Variants in SHLD1 observed in about 807,000 individuals in gnomAD.
SHLD1 encodes shieldin complex subunit 1.
A neutral mutation model predicts 5.5 loss-of-function variants in SHLD1; 3 were observed. The ratio of observed to expected loss-of-function variants is 0.54; its 90% CI spans 0.25 to 1.40. SHLD1 has a LOEUF of 1.40. SHLD1 is among the 40% of genes most tolerant of loss of function. SHLD1 has a pLI of 0.15. For synonymous variants in SHLD1, 92 were observed against 94.3 expected (o/e 0.98, Z 0.14); for missense variants, 210 against 244.4 (o/e 0.86, Z 0.94).
At chr20:5,823,287 C>T (rs73081207) in intron 2 of SHLD1, among the ~76,000 whole-genome samples, 1,828 of 152,206 alleles carry the variant, frequency 0.012, 15 homozygotes, top group Middle Eastern at 0.034. Context: ...TCCCTCCACC[C>T]CTCTGCCTTC....
At chr20:5,831,366 C>G (rs1364586801) in intron 2 of SHLD1, among the ~76,000 whole-genome samples, 1 of 152,196 alleles carries the variant, frequency 6.6e-6, no homozygotes, top group Non-Finnish European at 1.5e-5. Context: ...CTTCTGTTCT[C>G]TGTAAGCTGT....
At chr20:5,817,970 C>T (rs932390299) in intron 2 of SHLD1, among the ~76,000 whole-genome samples, 3 of 152,344 alleles carry the variant, frequency 2.0e-5, no homozygotes, top group Middle Eastern at 3.4e-3. Flanking sequence ...GCACATCTTG[C>T]GTCCCTTCTC....
intron 2 of SHLD1, among the ~76,000 whole-genome samples, chr20:5,775,922 G>GTTTTTTTT: frequency 1.6e-5 from 1 of 63,448 alleles, no homozygotes; most frequent in African/African-American, 9.2e-5. Flanking sequence ...GTCAGCTCAG[G>GTTTTTTTT]ATTTTTTTTT....
At chr20:5,857,984 A>G (rs1172346158) in intron 2 of SHLD1, among the ~76,000 whole-genome samples, 2 of 152,004 alleles carry the variant, frequency 1.3e-5, no homozygotes, top group Non-Finnish European at 2.9e-5. Flanking sequence ...CTGTAGTGCC[A>G]GCTAGCCAGG....
At chr20:5,769,832 C>T (rs1471227830) in intron 1 of SHLD1, among the ~76,000 whole-genome samples, 2 of 151,838 alleles carry the variant, frequency 1.3e-5, no homozygotes, top group African/African-American at 4.8e-5. Flanking sequence ...GGCAAAACTC[C>T]GTCTCTACTA....
chr20:5,829,887 A>AT (rs1297066766), intron 2 of SHLD1, among the ~76,000 whole-genome samples: 1 of 152,010 alleles, frequency 6.6e-6, no homozygotes, highest in Non-Finnish European at 1.5e-5. Context: ...TTAGGAAAAA[A>AT]AAACACAGGC....
intron 2 of SHLD1, among the ~76,000 whole-genome samples, chr20:5,784,691 C>G (rs2087036047): frequency 6.6e-6 from 1 of 152,014 alleles, no homozygotes; most frequent in East Asian, 1.9e-4. Flanking sequence ...ACCTTGTGAT[C>G]CGCCCGCCTC....
At chr20:5,859,510 C>T (rs1343200502) in intron 2 of SHLD1, among the ~76,000 whole-genome samples, 2 of 152,112 alleles carry the variant, frequency 1.3e-5, no homozygotes, top group South Asian at 4.1e-4. Flanking sequence ...GGGGTTTGAA[C>T]GTAACTGGGA....
At chr20:5,773,650 C>A (rs1600107605) in intron 2 of SHLD1, among the ~76,000 whole-genome samples, 1 of 151,940 alleles carries the variant, frequency 6.6e-6, no homozygotes, top group East Asian at 1.9e-4. Context: ...TTTATTTATT[C>A]ATTTATTTCT....
At chr20:5,764,177 T>TA in intron 1 of SHLD1, among the ~76,000 whole-genome samples, 1 of 78,268 alleles carries the variant, frequency 1.3e-5, no homozygotes, top group African/African-American at 4.7e-5. Flanking sequence ...TATATATATT[T>TA]TTATATATAT....
At chr20:5,826,023 T>A (rs2122424934) in intron 2 of SHLD1, among the ~76,000 whole-genome samples, 1 of 152,192 alleles carries the variant, frequency 6.6e-6, no homozygotes, top group South Asian at 2.1e-4. Flanking sequence ...TGCACATGGG[T>A]ATAGGGCCAC....
At chr20:5,803,947 G>A (rs1385882635) in intron 2 of SHLD1, among the ~76,000 whole-genome samples, 1 of 151,656 alleles carries the variant, frequency 6.6e-6, no homozygotes. Context: ...TTGCTATTTG[G>A]AGGTTGAGGG....
intron 2 of SHLD1, among the ~76,000 whole-genome samples, chr20:5,840,082 A>G (rs2087839956): frequency 6.6e-6 from 1 of 152,222 alleles, no homozygotes; most frequent in African/African-American, 2.4e-5. Flanking sequence ...TTTATGAGCA[A>G]AAGTATGTAT....
rs187123110 is a variant in SHLD1, at chr20:5,825,069, G to A, written c.179-37955G>A. On this transcript the variant is annotated intron_variant, in intron 2 of 2. Coordinates refer to ENST00000303142, the MANE Select transcript of SHLD1 (RefSeq NM_152504.4). ...TTCAAAATAGATTCAGCCTTTGTTG[G>A]TTTCTATGACTATGAAGGTATGGAA... 4.4e-3 allele frequency among the ~76,000 whole-genome samples: 675 copies of A among 152,284 alleles called. 1 individual carries two copies. The highest frequency in any genetic ancestry group is 6.8e-3 in the Non-Finnish European group (465 of 68,004).
intron 1 of SHLD1, among the ~76,000 whole-genome samples, chr20:5,752,727 C>T (rs758001428): frequency 5.3e-5 from 8 of 151,448 alleles, no homozygotes; most frequent in Non-Finnish European, 8.8e-5. Context: ...AGCAGTTCTC[C>T]GTCTCAGCTT....
At chr20:5,798,642 G>A (rs1310474082) in intron 2 of SHLD1, among the ~76,000 whole-genome samples, 1 of 125,674 alleles carries the variant, frequency 8.0e-6, no homozygotes, top group Non-Finnish European at 1.7e-5. Flanking sequence ...TTTTGAGACG[G>A]AGTCTTACTC....
chr20:5,759,268 TTAA>T (rs1438237249), intron 1 of SHLD1, among the ~76,000 whole-genome samples: 1 of 151,352 alleles, frequency 6.6e-6, no homozygotes, highest in Non-Finnish European at 1.5e-5. Context: ...CTTTTTTTAA[TTAA>T]TTTTTTTTTT....
In SHLD1 at chr20:5,835,247, C is replaced by T. The variant is rs113738792; in HGVS notation, c.179-27777C>T. On this transcript the variant is annotated intron_variant, in intron 2 of 2. Coordinates refer to ENST00000303142, the MANE Select transcript of SHLD1 (RefSeq NM_152504.4). The stretch of plus-strand genomic sequence containing the variant: ...ACTATCTAGCTTTCCAGATTCTTCC[C>T]GCTAGTTGTGTTGATGGTGATTTGG... 2.4e-3 allele frequency among the ~76,000 whole-genome samples: 369 copies of T among 152,242 alleles called. 2 individuals are homozygous for T. Among genetic ancestry groups the T allele is most frequent in the South Asian group, 7.7e-3 (37 of 4,816 alleles).
chr20:5,818,057 TCTC>T (rs1171247493), intron 2 of SHLD1, among the ~76,000 whole-genome samples: 1 of 152,018 alleles, frequency 6.6e-6, no homozygotes, highest in Non-Finnish European at 1.5e-5. Context: ...CTTTTCTTTT[TCTC>T]CTTTTTTTCT....
Sources: allele counts gnomAD v4.1 joint callset (sites outside exome capture counted in the v4.1 genomes callset), GRCh38; gene constraint gnomAD v4.1.1; transcripts MANE v1.5; gene names NCBI Gene and HGNC (gene_info 2026-07-23, HGNC 2026-07-21).